The following CCDC102B variants were observed in gnomAD, a reference collection of about 807,000 sequenced individuals.
CCDC102B encodes the protein coiled-coil domain containing 102B.
CCDC102B carries 75 observed loss-of-function variants against 57.4 expected under a neutral mutation model. That is an observed-to-expected ratio of 1.31 (90% CI 1.08 to 1.58). CCDC102B has a LOEUF of 1.58. Among genes scored for constraint, CCDC102B ranks in the 40% most tolerant of loss-of-function variants. CCDC102B has a pLI of 0.00. For missense variants in CCDC102B, 636 were observed against 582.6 expected (o/e 1.09, Z -0.94); for synonymous variants, 206 against 201.9 (o/e 1.02, Z -0.17).
At chr18:69,011,234 T>A in intron 7 of CCDC102B, 130 bp downstream of exon 7, 1 of 805,714 alleles carries the variant, frequency 1.2e-6, no homozygotes. Context: ...ATGACTGAAA[T>A]CAATTTAAAA....
chr18:68,909,091 T>TAA (rs539988743), intron 6 of CCDC102B, among the ~76,000 whole-genome samples: 2 of 78,954 alleles, frequency 2.5e-5, no homozygotes, highest in African/African-American at 4.4e-5. Flanking sequence ...TTGGCATGGT[T>TAA]AAAAAAAAAA....
intron 2 of CCDC102B, among the ~76,000 whole-genome samples, chr18:68,739,756 T>G (rs1249205153): frequency 2.0e-5 from 3 of 152,212 alleles, no homozygotes; most frequent in Non-Finnish European, 4.4e-5. Context: ...CCTAGAGATT[T>G]AGCCACAGCC....
At chr18:69,040,628 A>G (rs891481055) in intron 7 of CCDC102B, among the ~76,000 whole-genome samples, 2 of 151,966 alleles carry the variant, frequency 1.3e-5, no homozygotes, top group Admixed American at 6.6e-5. Context: ...TCTACCTCCA[A>G]CCATATCTGT....
At chr18:68,927,540 C>T (rs2041514478) in intron 6 of CCDC102B, among the ~76,000 whole-genome samples, 1 of 151,902 alleles carries the variant, frequency 6.6e-6, no homozygotes, top group African/African-American at 2.4e-5. Context: ...ATTTCCCTAC[C>T]TGGGAAGACG....
intron 4 of CCDC102B, among the ~76,000 whole-genome samples, chr18:68,869,524 A>G (rs946540609): frequency 1.3e-5 from 2 of 152,238 alleles, no homozygotes; most frequent in African/African-American, 4.8e-5. Flanking sequence ...ACTTGATGGT[A>G]AAAGGAAACA....
intron 6 of CCDC102B, among the ~76,000 whole-genome samples, chr18:68,945,302 C>A (rs1171278938): frequency 1.3e-5 from 2 of 152,016 alleles, no homozygotes; most frequent in African/African-American, 4.8e-5. Context: ...TAAATAGTAT[C>A]AATGAATCAT....
intron 1 of CCDC102B, among the ~76,000 whole-genome samples, chr18:68,818,911 C>A (rs1234713987): frequency 6.6e-6 from 1 of 152,022 alleles, no homozygotes; most frequent in Non-Finnish European, 1.5e-5. Context: ...TGCCGGTGTG[C>A]ATATTGTCTT....
intron 6 of CCDC102B, among the ~76,000 whole-genome samples, chr18:68,940,932 T>C (rs576431187): frequency 3.2e-4 from 48 of 152,016 alleles, no homozygotes; most frequent in Middle Eastern, 3.4e-3. Context: ...TTCCCCAGCA[T>C]GAACCTTACT....
intron 2 of CCDC102B, among the ~76,000 whole-genome samples, chr18:68,787,559 G>A (rs1261574036): frequency 6.6e-6 from 1 of 151,628 alleles, no homozygotes; most frequent in Admixed American, 6.6e-5. Context: ...AGTCTTGGGA[G>A]AGTGTATATG....
At chr18:68,975,570 G>A (rs1047895033) in intron 6 of CCDC102B, among the ~76,000 whole-genome samples, 1 of 151,854 alleles carries the variant, frequency 6.6e-6, no homozygotes, top group African/African-American at 2.4e-5. Flanking sequence ...TGTATTAACG[G>A]GGCATTAATA....
At chr18:68,998,342 C>T (rs2051088995) in intron 6 of CCDC102B, among the ~76,000 whole-genome samples, 1 of 148,446 alleles carries the variant, frequency 6.7e-6, no homozygotes, top group African/African-American at 2.5e-5. Context: ...CATACATCTA[C>T]ATACACACAT....
intron 5 of CCDC102B, among the ~76,000 whole-genome samples, chr18:68,879,329 T>C (rs989411963): frequency 3.3e-5 from 5 of 152,118 alleles, no homozygotes; most frequent in African/African-American, 9.7e-5. Flanking sequence ...CAAGATTTAT[T>C]GCAAAGAACG....
chr18:69,026,202 A>G (rs985295205), intron 7 of CCDC102B, among the ~76,000 whole-genome samples: 1 of 152,184 alleles, frequency 6.6e-6, no homozygotes, highest in African/African-American at 2.4e-5. Flanking sequence ...ACGGTGGCTC[A>G]CGCCTGTAAT....
chr18:68,726,870 A>G (rs909204383), intron 2 of CCDC102B, among the ~76,000 whole-genome samples: 6 of 152,184 alleles, frequency 3.9e-5, no homozygotes, highest in African/African-American at 1.4e-4. Flanking sequence ...CAGATGGTTC[A>G]TGAACCCTAA....
chr18:68,988,399 G>A (rs760329973), intron 6 of CCDC102B, among the ~76,000 whole-genome samples: 1 of 48 alleles, frequency 0.021, no homozygotes, highest in South Asian at 0.5. Context: ...GCTAGAGTGC[G>A]GAGGGTGGGA....
At chr18:68,929,104 T>C (rs950412562) in intron 6 of CCDC102B, among the ~76,000 whole-genome samples, 8 of 151,916 alleles carry the variant, frequency 5.3e-5, no homozygotes, top group African/African-American at 1.7e-4. Flanking sequence ...CCATAAGTTA[T>C]ATATTTTTCC....
downstream of CCDC102B, chr18:69,055,260 A>G: frequency 1.6e-6 from 1 of 635,402 alleles, no homozygotes; most frequent in Non-Finnish European, 2.0e-6. Flanking sequence ...AACATGGGGG[A>G]TTGTATGACT....
chr18:68,746,194 C>T (rs1010293594), intron 2 of CCDC102B, among the ~76,000 whole-genome samples: 4 of 152,216 alleles, frequency 2.6e-5, no homozygotes, highest in African/African-American at 9.6e-5. Context: ...CAATATATTA[C>T]TGCCACATTA....
chr18:68,725,417 G>A (rs1031053344), intron 2 of CCDC102B, among the ~76,000 whole-genome samples: 5 of 152,170 alleles, frequency 3.3e-5, no homozygotes, highest in Non-Finnish European at 5.9e-5. Context: ...CAATCAAGGC[G>A]TCAGAAGGCT....
Sources: gnomAD v4.1 joint callset for allele counts (sites outside exome capture counted in the v4.1 genomes callset) on GRCh38, gnomAD v4.1.1 for gene constraint, MANE v1.5 for transcripts, NCBI Gene and HGNC (gene_info 2026-07-23, HGNC 2026-07-21) for gene names.